Variants in TAOK3 observed in about 807,000 individuals in gnomAD.
TAOK3 encodes the protein TAO kinase 3, also known as serine/threonine-protein kinase TAO3.
A neutral mutation model predicts 120.4 loss-of-function variants in TAOK3; 40 were observed. The ratio of observed to expected loss-of-function variants is 0.33; its 90% CI spans 0.26 to 0.43. TAOK3 has a LOEUF of 0.43. Ranked by LOEUF, TAOK3 falls within the 20% of genes least tolerant of loss-of-function variation. TAOK3 has a pLI of 1.00. For synonymous variants in TAOK3, 355 were observed against 387.5 expected (o/e 0.92, Z 0.99); for missense variants, 821 against 1,112.1 (o/e 0.74, Z 3.72).
chr12:118,300,334 C>A (rs901214527), intron 1 of TAOK3, among the ~76,000 whole-genome samples: 1 of 152,152 alleles, frequency 6.6e-6, no homozygotes, highest in Non-Finnish European at 1.5e-5. Context: ...TGGCAGGCAT[C>A]GCACTGAATT....
chr12:118,359,283 A>G (rs1256882863), intron 1 of TAOK3: 1 of 152,236 alleles, frequency 6.6e-6, no homozygotes, highest in African/African-American at 2.4e-5. Flanking sequence ...TACCTACAAA[A>G]GAGGAAAACT....
chr12:118,326,644 C>G (rs2043947700), intron 1 of TAOK3, among the ~76,000 whole-genome samples: 6 of 152,122 alleles, frequency 3.9e-5, no homozygotes, highest in Admixed American at 3.9e-4. Context: ...TTTTTGTAAT[C>G]ATGGATATAA....
intron 1 of TAOK3, among the ~76,000 whole-genome samples, chr12:118,332,012 G>A (rs2044172007): frequency 6.6e-6 from 1 of 152,096 alleles, no homozygotes; most frequent in Admixed American, 6.5e-5. Context: ...TTTAGTAAAG[G>A]AGGGGTTTCG....
intron 15 of TAOK3, 112 bp downstream of exon 15, chr12:118,181,258 CG>C (rs2138876698): frequency 1.1e-6 from 1 of 948,506 alleles, no homozygotes; most frequent in Non-Finnish European, 1.6e-6. Flanking sequence ...TTTGCCACCC[CG>C]GAAACAACAA....
At chr12:118,293,750 A>T (rs1268801210) in intron 1 of TAOK3, among the ~76,000 whole-genome samples, 1 of 151,904 alleles carries the variant, frequency 6.6e-6, no homozygotes, top group Non-Finnish European at 1.5e-5. Flanking sequence ...GTGGTGGCTC[A>T]TGCCTGTAAT....
intron 1 of TAOK3, among the ~76,000 whole-genome samples, chr12:118,278,741 A>G (rs1427263746): frequency 6.6e-6 from 1 of 152,178 alleles, no homozygotes; most frequent in Non-Finnish European, 1.5e-5. Context: ...GACTGAACTA[A>G]TTTACATTCC....
chr12:118,261,497 A>G (rs2041227226), intron 2 of TAOK3: 2 of 152,236 alleles, frequency 1.3e-5, no homozygotes, highest in African/African-American at 4.8e-5. Flanking sequence ...CAACACTTAC[A>G]TTCAACATTG....
chr12:118,223,092 C>T (rs1179879464), intron 9 of TAOK3, among the ~76,000 whole-genome samples: 5 of 120,916 alleles, frequency 4.1e-5, no homozygotes, highest in Admixed American at 1.0e-4. Flanking sequence ...TTTTTTGAGA[C>T]GCAGTCTCGC....
intron 1 of TAOK3, among the ~76,000 whole-genome samples, chr12:118,311,265 A>T (rs1429689149): frequency 6.6e-6 from 1 of 152,224 alleles, no homozygotes; most frequent in African/African-American, 2.4e-5. Flanking sequence ...GTTCGAGACC[A>T]GCCTAACAAA....
chr12:118,227,428 C>T (rs1243481680), intron 9 of TAOK3, among the ~76,000 whole-genome samples: 4 of 151,114 alleles, frequency 2.6e-5, no homozygotes, highest in Non-Finnish European at 5.9e-5. Context: ...TCAGTTATGA[C>T]CCTAAAGGTA....
chr12:118,324,780 T>C (rs1209809261), intron 1 of TAOK3, among the ~76,000 whole-genome samples: 2 of 143,058 alleles, frequency 1.4e-5, no homozygotes, highest in Admixed American at 1.4e-4. Flanking sequence ...AGTCTTGCTC[T>C]GTCACCCAGG....
intron 1 of TAOK3, among the ~76,000 whole-genome samples, chr12:118,324,900 A>G (rs1321352102): frequency 6.6e-6 from 1 of 151,310 alleles, no homozygotes; most frequent in Non-Finnish European, 1.5e-5. Flanking sequence ...GCCCGCCACC[A>G]GGCCCAGCTA....
intron 11 of TAOK3, among the ~76,000 whole-genome samples, chr12:118,205,964 A>C (rs1003404222): frequency 4.6e-5 from 7 of 151,740 alleles, no homozygotes; most frequent in Non-Finnish European, 2.9e-5. Context: ...AGCACTAGGA[A>C]GTAAAGGAAC....
intron 1 of TAOK3, among the ~76,000 whole-genome samples, chr12:118,330,827 C>T (rs1214243154): frequency 2.7e-5 from 4 of 150,378 alleles, no homozygotes; most frequent in Non-Finnish European, 5.9e-5. Context: ...TCTCAGTGAA[C>T]GATGATCCTT....
chr12:118,333,353 A>G (rs2044229958), intron 1 of TAOK3, among the ~76,000 whole-genome samples: 2 of 152,230 alleles, frequency 1.3e-5, no homozygotes, highest in South Asian at 2.1e-4. Context: ...GTCTTCAAAC[A>G]TTTGGAAATT....
intron 1 of TAOK3, among the ~76,000 whole-genome samples, chr12:118,283,454 G>A (rs137912571): frequency 5.7e-4 from 87 of 152,250 alleles, no homozygotes; most frequent in Non-Finnish European, 1.0e-3. Flanking sequence ...ACAATTGGCC[G>A]AGCACAGTGG....
intron 19 of TAOK3, among the ~76,000 whole-genome samples, chr12:118,154,759 A>G (rs1161445034): frequency 6.6e-6 from 1 of 152,090 alleles, no homozygotes; most frequent in Admixed American, 6.5e-5. Flanking sequence ...AAGTTTTATA[A>G]GAGTATAGGT....
chr12:118,320,293 A>G (rs771986178), intron 1 of TAOK3, among the ~76,000 whole-genome samples: 3 of 152,142 alleles, frequency 2.0e-5, no homozygotes, highest in Non-Finnish European at 4.4e-5. Flanking sequence ...TTTCCTTATG[A>G]CAAGTTTCTA....
intron 6 of TAOK3, among the ~76,000 whole-genome samples, chr12:118,238,920 T>C (rs2040129825): frequency 6.6e-6 from 1 of 152,228 alleles, no homozygotes; most frequent in African/African-American, 2.4e-5. Context: ...CGTGAGACTA[T>C]CTACCTCTCT....
Sources: allele counts gnomAD v4.1 joint callset (sites outside exome capture counted in the v4.1 genomes callset), GRCh38; gene constraint gnomAD v4.1.1; transcripts MANE v1.5; gene names NCBI Gene and HGNC (gene_info 2026-07-23, HGNC 2026-07-21).